The following LRRC37A2 variants were observed in gnomAD, a reference collection of about 807,000 sequenced individuals.
LRRC37A2 encodes the protein leucine rich repeat containing 37 member A2, also known as leucine-rich repeat-containing protein 37A2.
Under a neutral mutation model 68.8 loss-of-function variants are expected in LRRC37A2, and 9 were observed. That is an observed-to-expected ratio of 0.13 (90% confidence interval 0.08 to 0.23). LRRC37A2 has a LOEUF of 0.23. Ranked by LOEUF, LRRC37A2 falls within the 10% of genes least tolerant of loss-of-function variation. LRRC37A2 has a pLI of 1.00. For missense variants in LRRC37A2, 168 were observed against 950.4 expected (o/e 0.18, Z 10.82); for synonymous variants, 63 against 367.6 (o/e 0.17, Z 9.48).
the LRRC37A2 span, chr17:47,042,108 G>GA: frequency 7.5e-6 from 1 of 133,850 alleles, no homozygotes; most frequent in Non-Finnish European, 1.7e-5. Context: ...CAGTGAGTGA[G>GA]AATGTGTCTC....
the LRRC37A2 span, chr17:46,930,992 T>C: frequency 1.4e-5 from 10 of 720,534 alleles, no homozygotes; most frequent in African/African-American, 1.4e-4. Flanking sequence ...TTTTGAAATA[T>C]GTAGTTCTAG....
the LRRC37A2 span, chr17:46,704,913 C>G: frequency 0.16 from 240,152 of 1,493,064 alleles, no homozygotes; most frequent in Non-Finnish European, 0.19. Flanking sequence ...ATAACTCAGG[C>G]GAAAAGTAAG....
chr17:46,979,229 G>A, the LRRC37A2 span: 1 of 423,194 alleles, frequency 2.4e-6, no homozygotes, highest in Non-Finnish European at 4.2e-6. Flanking sequence ...GGCGGCGCAG[G>A]AGCTGGAGCC....
At chr17:46,822,042 G>T in the LRRC37A2 span, among the ~76,000 whole-genome samples, 5 of 152,256 alleles carry the variant, frequency 3.3e-5, no homozygotes, top group African/African-American at 9.6e-5. Context: ...CCAACCTGGG[G>T]GGGTAAAGGG....
At chr17:46,832,184 C>T in the LRRC37A2 span, among the ~76,000 whole-genome samples, 1 of 152,138 alleles carries the variant, frequency 6.6e-6, no homozygotes, top group Non-Finnish European at 1.5e-5. Flanking sequence ...GTGGCTGCCC[C>T]TCACAAACGT....
the LRRC37A2 span, among the ~76,000 whole-genome samples, chr17:46,911,226 C>T: frequency 6.6e-6 from 1 of 152,160 alleles, no homozygotes; most frequent in Non-Finnish European, 1.5e-5. Context: ...ATTGATGTGT[C>T]CAAAGGGACC....
At chr17:46,554,133 T>A (rs1429705732) in intron 12 of LRRC37A2, 1 of 843,764 alleles carries the variant, frequency 1.2e-6, no homozygotes, top group Admixed American at 6.4e-5. Context: ...ATTCCTTTTA[T>A]GCAAACCTCA....
the LRRC37A2 span, among the ~76,000 whole-genome samples, chr17:46,913,651 A>G: frequency 6.6e-6 from 1 of 152,230 alleles, no homozygotes; most frequent in Non-Finnish European, 1.5e-5. Flanking sequence ...TGAGGCCAGT[A>G]CCGAGGGCTC....
At chr17:46,848,125 C>A in the LRRC37A2 span, among the ~76,000 whole-genome samples, 29,743 of 151,914 alleles carry the variant, frequency 0.2, 3,559 homozygotes, top group East Asian at 0.49. Flanking sequence ...CCTGTGTGAA[C>A]GTGTGGACCC....
chr17:46,734,684 T>C, the LRRC37A2 span, among the ~76,000 whole-genome samples: 1 of 152,188 alleles, frequency 6.6e-6, no homozygotes, highest in Non-Finnish European at 1.5e-5. Flanking sequence ...TGTAAACCTG[T>C]GGACTACATA....
the LRRC37A2 span, among the ~76,000 whole-genome samples, chr17:47,035,805 G>A: frequency 1.3e-5 from 2 of 152,060 alleles, no homozygotes; most frequent in Non-Finnish European, 2.9e-5. Flanking sequence ...CAATTTCCCC[G>A]GGTCTTTGTC....
the LRRC37A2 span, among the ~76,000 whole-genome samples, chr17:46,709,215 T>G: frequency 6.6e-6 from 1 of 152,184 alleles, no homozygotes; most frequent in Non-Finnish European, 1.5e-5. Flanking sequence ...ATTACTATTG[T>G]GACTTTTAAA....
At chr17:46,495,679 C>T in the LRRC37A2 span, among the ~76,000 whole-genome samples, 1 of 150,490 alleles carries the variant, frequency 6.6e-6, no homozygotes, top group South Asian at 2.1e-4. Flanking sequence ...GCCACTGCGC[C>T]CAGCCCCTTT....
the LRRC37A2 span, among the ~76,000 whole-genome samples, chr17:46,730,989 A>T: frequency 6.6e-6 from 1 of 152,114 alleles, no homozygotes; most frequent in Non-Finnish European, 1.5e-5. Context: ...GAGGTTAAGC[A>T]TAGAGTTACC....
At chr17:46,720,427 A>G in the LRRC37A2 span, among the ~76,000 whole-genome samples, 1 of 152,076 alleles carries the variant, frequency 6.6e-6, no homozygotes, top group East Asian at 1.9e-4. Flanking sequence ...AAAATGTAAG[A>G]TTTTTTCCTG....
At chr17:46,935,783 G>C in the LRRC37A2 span, 1 of 986,800 alleles carries the variant, frequency 1.0e-6, no homozygotes, top group South Asian at 4.7e-5. Context: ...TCCAGCCCCT[G>C]GGAGTGGTTT....
chr17:46,631,175 A>G, the LRRC37A2 span, among the ~76,000 whole-genome samples: 1 of 140,238 alleles, frequency 7.1e-6, no homozygotes, highest in African/African-American at 3.1e-5. Context: ...TGGAATTTAA[A>G]CATTGGGGTT....
the LRRC37A2 span, chr17:46,937,823 G>T: frequency 6.6e-6 from 1 of 152,370 alleles, no homozygotes; most frequent in Non-Finnish European, 1.5e-5. Flanking sequence ...ACCATAGTTT[G>T]TTCATTCATC....
At chr17:46,811,712 T>TG in the LRRC37A2 span, among the ~76,000 whole-genome samples, 1 of 152,148 alleles carries the variant, frequency 6.6e-6, no homozygotes, top group Non-Finnish European at 1.5e-5. Context: ...CCCAGCACTT[T>TG]GGGAGGCCGA....
Sources: allele counts gnomAD v4.1 joint callset (sites outside exome capture counted in the v4.1 genomes callset), GRCh38; gene constraint gnomAD v4.1.1; transcripts MANE v1.5; gene names NCBI Gene and HGNC (gene_info 2026-07-23, HGNC 2026-07-21).